Variants in GJB7 observed in about 807,000 individuals in gnomAD.
GJB7 encodes the protein gap junction protein beta 7.
For missense variants in GJB7, 253 were observed against 256.8 expected, an observed-to-expected ratio of 0.99 and a Z score of 0.10; for synonymous variants, 87 against 95.2, an observed-to-expected ratio of 0.91 and a Z score of 0.50.
intron 2 of GJB7, among the ~76,000 whole-genome samples, chr6:87,303,031 A>C (rs544020929): frequency 1.3e-5 from 2 of 152,378 alleles, no homozygotes; most frequent in East Asian, 3.9e-4. Context: ...AAGAAGCACT[A>C]AACATGGAAA....
intron 2 of GJB7, among the ~76,000 whole-genome samples, chr6:87,319,005 A>G (rs1776621526): frequency 1.3e-5 from 2 of 152,366 alleles, no homozygotes; most frequent in East Asian, 3.9e-4. Context: ...TGGTCCCTTG[A>G]GAAGGCTCCC....
intron 2 of GJB7, among the ~76,000 whole-genome samples, chr6:87,311,850 A>G (rs1326839898): frequency 6.6e-6 from 1 of 152,220 alleles, no homozygotes; most frequent in Non-Finnish European, 1.5e-5. Flanking sequence ...CTCAGCTCTC[A>G]GTCCCATAGT....
intron 1 of GJB7, among the ~76,000 whole-genome samples, chr6:87,323,598 A>G (rs1171573352): frequency 2.0e-5 from 3 of 152,112 alleles, no homozygotes; most frequent in Admixed American, 1.3e-4. Context: ...TACAAAGGAC[A>G]TGAACTCATC....
chr6:87,305,055 C>T (rs193232697), intron 2 of GJB7, among the ~76,000 whole-genome samples: 9 of 152,210 alleles, frequency 5.9e-5, no homozygotes, highest in Admixed American at 2.6e-4. Context: ...TCTGACAAAC[C>T]CACAGCCAAT....
chr6:87,300,226 G>A, intron 2 of GJB7: 1 of 201,962 alleles, frequency 5.0e-6, no homozygotes, highest in East Asian at 1.2e-4. Flanking sequence ...ATTTTTGATA[G>A]TTGAGAAAAT....
intron 2 of GJB7, among the ~76,000 whole-genome samples, chr6:87,285,803 T>C (rs1776050778): frequency 6.6e-6 from 1 of 152,208 alleles, no homozygotes; most frequent in Non-Finnish European, 1.5e-5. Context: ...TCCTCATTTC[T>C]ACTTCCTCAA....
At chr6:87,328,795 C>A (rs1255832792) in intron 1 of GJB7, among the ~76,000 whole-genome samples, 4 of 152,342 alleles carry the variant, frequency 2.6e-5, no homozygotes, top group South Asian at 2.1e-4. Context: ...TCGAGCTTCC[C>A]AGCTGCTTTG....
chr6:87,286,764 T>A (rs993552947), intron 2 of GJB7, among the ~76,000 whole-genome samples: 5 of 152,118 alleles, frequency 3.3e-5, no homozygotes, highest in Non-Finnish European at 7.4e-5. Flanking sequence ...AAAGGTGGTT[T>A]TTGTTTTTGT....
At chr6:87,306,364 G>A (rs1205749533) in intron 2 of GJB7, among the ~76,000 whole-genome samples, 1 of 152,140 alleles carries the variant, frequency 6.6e-6, no homozygotes, top group African/African-American at 2.4e-5. Context: ...AGTGGGCGAA[G>A]GACATGAACA....
At chr6:87,309,991 T>C (rs1432448252) in intron 2 of GJB7, among the ~76,000 whole-genome samples, 6 of 152,226 alleles carry the variant, frequency 3.9e-5, no homozygotes, top group Non-Finnish European at 5.9e-5. Context: ...CACTCTTTCA[T>C]GCAACAGGCT....
intron 2 of GJB7, chr6:87,291,824 C>T (rs1776178968): frequency 1.3e-5 from 2 of 152,100 alleles, no homozygotes; most frequent in Admixed American, 1.3e-4. Context: ...ATTAAATAGA[C>T]AAAACTACAA....
intron 1 of GJB7, 134 bp from the exon 2 acceptor site, chr6:87,323,177 G>T (rs753136420): frequency 3.9e-5 from 6 of 152,240 alleles, no homozygotes; most frequent in Non-Finnish European, 7.3e-5. Flanking sequence ...GACTCAGATT[G>T]TCAGTACTCA....
At chr6:87,312,240 G>T (rs1776520281) in intron 2 of GJB7, among the ~76,000 whole-genome samples, 1 of 148,962 alleles carries the variant, frequency 6.7e-6, no homozygotes, top group Admixed American at 6.7e-5. Context: ...CGGGCCGGGT[G>T]CAGTGGCTCA....
intron 2 of GJB7, among the ~76,000 whole-genome samples, chr6:87,301,999 A>C (rs1044773827): frequency 5.3e-5 from 8 of 152,230 alleles, no homozygotes; most frequent in African/African-American, 1.9e-4. Flanking sequence ...TAACAAACAC[A>C]AAGGACATCC....
At chr6:87,292,644 C>T (rs1485361676) in intron 2 of GJB7, among the ~76,000 whole-genome samples, 1 of 151,992 alleles carries the variant, frequency 6.6e-6, no homozygotes, top group Non-Finnish European at 1.5e-5. Flanking sequence ...ATGAGATCAT[C>T]TAAAATTAAA....
At chr6:87,298,730 A>G (rs1321540183) in intron 2 of GJB7, 1 of 194,328 alleles carries the variant, frequency 5.1e-6, no homozygotes, top group African/African-American at 2.4e-5. Context: ...GCCACTGACG[A>G]CCTGTCTCAC....
At chr6:87,322,751 G>C (rs1776699666) in intron 2 of GJB7, 115 bp downstream of exon 2, 2 of 152,230 alleles carry the variant, frequency 1.3e-5, no homozygotes, top group South Asian at 4.1e-4. Flanking sequence ...CTCCCTCCCA[G>C]GGAGGGAGCG....
At chr6:87,292,798 G>A (rs1020415218) in intron 2 of GJB7, among the ~76,000 whole-genome samples, 7 of 152,180 alleles carry the variant, frequency 4.6e-5, no homozygotes, top group Non-Finnish European at 8.8e-5. Context: ...CATAACCAGA[G>A]AGTGGCCTGC....
intron 2 of GJB7, among the ~76,000 whole-genome samples, chr6:87,311,034 G>C (rs1473045253): frequency 6.6e-6 from 1 of 152,060 alleles, no homozygotes; most frequent in African/African-American, 2.4e-5. Flanking sequence ...CAAATAAAAA[G>C]TTTAAAAATA....
Sources: gnomAD v4.1 joint callset for allele counts (sites outside exome capture counted in the v4.1 genomes callset) on GRCh38, gnomAD v4.1.1 for gene constraint, MANE v1.5 for transcripts, NCBI Gene and HGNC (gene_info 2026-07-23, HGNC 2026-07-21) for gene names.